MTMR6: variants seen among roughly 807,000 people sequenced by gnomAD.
MTMR6 encodes the protein myotubularin related protein 6.
MTMR6 carries 47 observed loss-of-function variants against 80.1 expected under a neutral mutation model. The observed-to-expected ratio is 0.59, with a 90% confidence interval of 0.46 to 0.75. MTMR6 has a LOEUF of 0.75. MTMR6 is among the 30% of genes least tolerant of loss of function. The pLI is 0.00. For missense variants in MTMR6, 629 were observed against 730.9 expected (o/e 0.86, Z 1.61); for synonymous variants, 254 against 253.0 (o/e 1.00, Z -0.04).
At chr13:25,266,629 T>TA (rs1957460152) in intron 3 of MTMR6, among the ~76,000 whole-genome samples, 1 of 152,160 alleles carries the variant, frequency 6.6e-6, no homozygotes, top group Non-Finnish European at 1.5e-5. Flanking sequence ...AAATGAGATG[T>TA]AAAATAGACT....
At chr13:25,255,610 G>A (rs1957185604) in intron 9 of MTMR6, among the ~76,000 whole-genome samples, 1 of 151,938 alleles carries the variant, frequency 6.6e-6, no homozygotes, top group Non-Finnish European at 1.5e-5. Context: ...TGCAACCTCC[G>A]CCTCCTGGGT....
intron 3 of MTMR6, among the ~76,000 whole-genome samples, chr13:25,266,697 C>T (rs2137571313): frequency 6.6e-6 from 1 of 152,276 alleles, no homozygotes; most frequent in Non-Finnish European, 1.5e-5. Flanking sequence ...TTATACATCC[C>T]TATAGGACAC....
Position 25,266,252 on chromosome 13 carries a change from A to T in MTMR6, c.339T>A (p.Asn113Lys). ...GTCGTTCTGAATCATTTTGTTTGGG[A>T]TTATAAGAAAATGCATAGAGATCTT... The part of the protein sequence containing the change: ...KYEDLYAFSY[N>K]PKQNDSERLQ... The change falls in exon 4 of 14, where the codon AAT becomes AAA. Residue 113 changes from asparagine to lysine, a missense_variant. Coordinates refer to ENST00000381801, the MANE Select transcript of MTMR6 (RefSeq NM_004685.5). The T allele has an allele frequency of 1.2e-6, 2 of 1,613,028 alleles. No homozygotes were observed. Among genetic ancestry groups the T allele is most frequent in the Non-Finnish European group, 8.5e-7 (1 of 1,179,128 alleles).
rs143113421 is a variant in MTMR6 at position 25,270,675 on chromosome 13, A to G, written c.142-2734T>C. ...CAAACACTGGATGAAGAAGGGATCC[A>G]GTGCCTCTAGGGAATACAACTTCTC... On this transcript the variant is annotated intron_variant, in intron 2 of 13. Coordinates refer to ENST00000381801, the MANE Select transcript of MTMR6 (RefSeq NM_004685.5). 2.3e-3 allele frequency among the ~76,000 whole-genome samples: 358 copies of G among 152,344 alleles called. 2 individuals carry two copies. The highest frequency in any genetic ancestry group is 8.1e-3 in the African/African-American group (338 of 41,586).
intron 1 of MTMR6, among the ~76,000 whole-genome samples, chr13:25,276,317 A>C (rs1307077541): frequency 6.6e-6 from 1 of 152,254 alleles, no homozygotes; most frequent in Non-Finnish European, 1.5e-5. Flanking sequence ...AACACTACTC[A>C]AGCAAATAAT....
intron 1 of MTMR6, among the ~76,000 whole-genome samples, 162 bp from the exon 2 acceptor site, chr13:25,274,349 T>C (rs1014790537): frequency 2.0e-5 from 3 of 152,172 alleles, no homozygotes; most frequent in Admixed American, 6.6e-5. Flanking sequence ...TTTTGGGGAA[T>C]GTATAAGCCA....
At chr13:25,254,556 G>T in intron 9 of MTMR6, 122 bp from the exon 10 acceptor site, 1 of 694,290 alleles carries the variant, frequency 1.4e-6, no homozygotes, top group Non-Finnish European at 2.4e-6. Flanking sequence ...AAACAAAACA[G>T]CACAAAAAAC....
intron 3 of MTMR6, 114 bp from the exon 4 acceptor site, chr13:25,266,400 G>A (rs183568690): frequency 1.2e-6 from 1 of 858,584 alleles, no homozygotes; most frequent in Non-Finnish European, 1.7e-6. Context: ...TCTTCAAAGA[G>A]ATGGCTAATA....
At chr13:25,274,016 G>C in intron 2 of MTMR6, 55 bp downstream of exon 2, 1 of 1,191,082 alleles carries the variant, frequency 8.4e-7, no homozygotes, top group Non-Finnish European at 1.2e-6. Flanking sequence ...AATAAAACAT[G>C]ACAGACCAAG....
chr13:25,271,322 A>G (rs1419751986), intron 2 of MTMR6, among the ~76,000 whole-genome samples: 1 of 152,156 alleles, frequency 6.6e-6, no homozygotes, highest in African/African-American at 2.4e-5. Context: ...CTGCTTTGCA[A>G]GGTTTGGCAC....
Position 25,253,662 on chromosome 13 carries a change from C to A in MTMR6, c.1346+102G>T, listed in dbSNP as rs541036715. On this transcript the variant is annotated intron_variant, in intron 11 of 13. Transcript: ENST00000381801. ...CAAAAAATAAAATCTTTACAATAAA[C>A]TTTCAAATTGTCAAGATATTTTATT... 145 of 1,041,618 alleles carry A rather than the reference C, an allele frequency of 1.4e-4. No homozygotes were observed. The Middle Eastern group carries it at 1.7e-3, about 12-fold the overall frequency. The allele number at this position is 1,041,618 out of a possible 1,614,324, so 64.5% of individuals were successfully genotyped here. A position where few individuals can be genotyped will look rare whatever the true frequency, so the allele number is the denominator to read the frequency against.
chr13:25,257,949 A>T, intron 7 of MTMR6, 104 bp from the exon 8 acceptor site: 1 of 688,678 alleles, frequency 1.5e-6, no homozygotes, highest in Non-Finnish European at 2.3e-6. Flanking sequence ...AAGACAAAAT[A>T]AACAGGCAAG....
chr13:25,270,060 T>C (rs971655147), intron 2 of MTMR6, among the ~76,000 whole-genome samples: 6 of 152,210 alleles, frequency 3.9e-5, no homozygotes, highest in African/African-American at 1.4e-4. Context: ...TACTTATCAA[T>C]TGACATCCCT....
intron 6 of MTMR6, among the ~76,000 whole-genome samples, chr13:25,261,044 C>G (rs768105312): frequency 1.3e-4 from 19 of 151,856 alleles, no homozygotes; most frequent in Non-Finnish European, 8.8e-5. Flanking sequence ...TGGCTCATGC[C>G]TGTAATCTCA....
intron 6 of MTMR6, chr13:25,260,457 C>G (rs1957308853): frequency 2.1e-6 from 1 of 485,616 alleles, no homozygotes; most frequent in East Asian, 8.4e-5. Context: ...TTAATCTCTT[C>G]TTCTGGTTTC....
intron 1 of MTMR6, among the ~76,000 whole-genome samples, chr13:25,285,363 C>T (rs1957932577): frequency 6.8e-6 from 1 of 146,166 alleles, no homozygotes; most frequent in East Asian, 2.0e-4. Context: ...ATTCAGTTTA[C>T]TTTTACTGAT....
At chr13:25,268,101 A>T (rs1322032193) in intron 2 of MTMR6, among the ~76,000 whole-genome samples, 160 bp from the exon 3 acceptor site, 1 of 152,212 alleles carries the variant, frequency 6.6e-6, no homozygotes, top group Non-Finnish European at 1.5e-5. Flanking sequence ...CCAAGTCAGA[A>T]ATATGGGTGT....
intron 5 of MTMR6, among the ~76,000 whole-genome samples, 188 bp downstream of exon 5, chr13:25,265,631 G>A (rs771345978): frequency 2.0e-5 from 3 of 151,898 alleles, no homozygotes; most frequent in Non-Finnish European, 2.9e-5. Context: ...TGCTCGGGAG[G>A]CTGAGGCACA....
In MTMR6 at chr13:25,249,301, T is replaced by A; in HGVS notation, c.1797A>T (p.Ala599=). 1 of 1,614,124 alleles carries A rather than the reference T, an allele frequency of 6.2e-7. No individual in the cohort carries two copies. Among genetic ancestry groups the A allele is most frequent in the Non-Finnish European group, 8.5e-7 (1 of 1,179,952 alleles). The change falls in exon 14 of 14, where the codon GCA becomes GCT. Residue 599 remains alanine (A), a synonymous_variant. Coordinates refer to ENST00000381801, the MANE Select transcript of MTMR6 (RefSeq NM_004685.5). ...CAGGTTCTGATTTAGAAAACTCTTC[T>A]GCATATTCACTATAACGATTATCTG... The part of the protein sequence containing the change: ...SPADNRYSEY[A]EEFSKSEPAV...
Sources: gnomAD v4.1 joint callset for allele counts (sites outside exome capture counted in the v4.1 genomes callset) on GRCh38, gnomAD v4.1.1 for gene constraint, MANE v1.5 for transcripts, NCBI Gene and HGNC (gene_info 2026-07-23, HGNC 2026-07-21) for gene names.